The following TRMT11 variants were observed in gnomAD, a reference collection of about 807,000 sequenced individuals.
TRMT11 encodes tRNA methyltransferase 11.
A neutral mutation model predicts 62.8 loss-of-function variants in TRMT11; 53 were observed. The observed-to-expected ratio is 0.84, with a 90% confidence interval of 0.68 to 1.06. TRMT11 has a LOEUF of 1.06. Ranked by LOEUF, TRMT11 falls within the 50% of genes least tolerant of loss-of-function variation. The pLI is 0.00. For synonymous variants in TRMT11, 188 were observed against 190.3 expected, an observed-to-expected ratio of 0.99 and a Z score of 0.10; for missense variants, 556 against 553.4, an observed-to-expected ratio of 1.00 and a Z score of -0.05.
chr6:126,230,199 C>T, the TRMT11 span, among the ~76,000 whole-genome samples: 20 of 152,270 alleles, frequency 1.3e-4, no homozygotes, highest in South Asian at 2.7e-3. Context: ...TAACCACTTG[C>T]AAAAATCAAG....
chr6:126,044,149 T>C (rs553676397), downstream of TRMT11, among the ~76,000 whole-genome samples: 41 of 152,150 alleles, frequency 2.7e-4, no homozygotes, highest in East Asian at 5.0e-3. Context: ...TCCTGAATGG[T>C]AATGCCTAGG....
At chr6:126,220,326 T>C in the TRMT11 span, among the ~76,000 whole-genome samples, 1 of 152,190 alleles carries the variant, frequency 6.6e-6, no homozygotes, top group African/African-American at 2.4e-5. Flanking sequence ...TAAATAGACA[T>C]ACGGAGAAGC....
At chr6:126,133,112 C>T (rs1273215944) in intron 21 of TRMT11, among the ~76,000 whole-genome samples, 2 of 151,854 alleles carry the variant, frequency 1.3e-5, no homozygotes, top group African/African-American at 4.8e-5. Context: ...AAATGGAACC[C>T]ACAAAATAAT....
At chr6:126,136,742 A>G (rs2128210808) in intron 21 of TRMT11, among the ~76,000 whole-genome samples, 1 of 151,804 alleles carries the variant, frequency 6.6e-6, no homozygotes, top group Middle Eastern at 3.4e-3. Context: ...TACATGACAA[A>G]ACTATAATAA....
intron 20 of TRMT11, among the ~76,000 whole-genome samples, chr6:126,115,619 A>G (rs1777578240): frequency 6.6e-6 from 1 of 152,138 alleles, no homozygotes. Context: ...CATGTTACTC[A>G]AGAAGAAGAA....
Position 126,026,627 on chromosome 6 carries a change from C to T in TRMT11, c.1260+5347C>T, listed in dbSNP as rs556285835. The stretch of plus-strand genomic sequence containing the variant: ...GTCTCGATCTCCTAACCTCGTGATC[C>T]GCCCACCTCAGCCTCCCAAAGTGCT... On this transcript the variant is annotated intron_variant, in intron 12 of 12. Coordinates refer to ENST00000334379, the MANE Select transcript of TRMT11 (RefSeq NM_001031712.3). Among the ~76,000 whole-genome samples, 8 of 151,920 alleles carry T rather than the reference C, an allele frequency of 5.3e-5. No homozygotes were observed. The East Asian group carries it at 1.6e-3, about 30-fold the overall frequency.
At chr6:126,255,912 G>A in the TRMT11 span, among the ~76,000 whole-genome samples, 1 of 152,162 alleles carries the variant, frequency 6.6e-6, no homozygotes, top group Non-Finnish European at 1.5e-5. Flanking sequence ...AAAACTTAGA[G>A]GCTAAAAGAA....
At chr6:126,091,731 C>T (rs759634594) in intron 17 of TRMT11, among the ~76,000 whole-genome samples, 2 of 152,166 alleles carry the variant, frequency 1.3e-5, no homozygotes, top group Non-Finnish European at 2.9e-5. Context: ...TGCATAGAAG[C>T]CTAAGGAGCA....
At chr6:126,169,243 G>C (rs1435801173) in intron 21 of TRMT11, among the ~76,000 whole-genome samples, 1 of 152,056 alleles carries the variant, frequency 6.6e-6, no homozygotes, top group Non-Finnish European at 1.5e-5. Context: ...GTAGGCATTT[G>C]AATTTTTAAC....
In TRMT11 at chr6:125,998,586, T is replaced by C. The variant is rs1452546618; in HGVS notation, c.424T>C (p.Leu142=). ...EFLPFEGKVN[L]KKPQHVFSVL... ...TCTGCCATTTGAAGGAAAAGTGAAT[T>C]TAAAGAAACCGCAACATGTATTTTC... Residue 142 remains leucine, a synonymous_variant, in exon 6 of 13, where the codon TTA becomes CTA. Transcript: ENST00000334379. 1.9e-6 allele frequency: 3 copies of C among 1,613,212 alleles called. No individual in the cohort carries two copies. The highest frequency in any genetic ancestry group is 1.3e-5 in the African/African-American group (1 of 74,886).
intron 7 of TRMT11, among the ~76,000 whole-genome samples, chr6:126,003,884 C>T (rs1363345948): frequency 2.6e-5 from 4 of 151,968 alleles, no homozygotes; most frequent in African/African-American, 7.2e-5. Flanking sequence ...CAAAAGTTTT[C>T]CCCACACTCA....
the TRMT11 span, among the ~76,000 whole-genome samples, chr6:126,260,910 T>C: frequency 6.6e-6 from 1 of 152,200 alleles, no homozygotes; most frequent in Non-Finnish European, 1.5e-5. Context: ...GAGAGGATTT[T>C]TTGGAAGTTG....
At chr6:126,014,450 T>C (rs1210623985) in intron 11 of TRMT11, among the ~76,000 whole-genome samples, 1 of 152,068 alleles carries the variant, frequency 6.6e-6, no homozygotes, top group East Asian at 1.9e-4. Flanking sequence ...GAGGTTTCAC[T>C]GTGTTGGCCA....
intron 21 of TRMT11, among the ~76,000 whole-genome samples, chr6:126,165,277 C>CAAA (rs764649605): frequency 3.3e-4 from 44 of 134,750 alleles, no homozygotes; most frequent in African/African-American, 1.0e-3. Flanking sequence ...GACCGTGCCT[C>CAAA]AAAAAAAAAA....
At chr6:126,216,200 G>A in the TRMT11 span, among the ~76,000 whole-genome samples, 1 of 151,942 alleles carries the variant, frequency 6.6e-6, no homozygotes, top group East Asian at 1.9e-4. Context: ...CCTACCTTTT[G>A]TTTGTCTGGA....
At chr6:126,146,517 A>AT (rs1488454911) in intron 21 of TRMT11, among the ~76,000 whole-genome samples, 3 of 151,250 alleles carry the variant, frequency 2.0e-5, no homozygotes, top group African/African-American at 7.4e-5. Flanking sequence ...GACTAAATGA[A>AT]ATTTTTTTTT....
chr6:126,027,540 T>G (rs1477992220), intron 12 of TRMT11, among the ~76,000 whole-genome samples: 3 of 152,230 alleles, frequency 2.0e-5, no homozygotes. Context: ...TACCTTATAT[T>G]CCTAGTGGTT....
At chr6:126,012,280 A>G (rs1794333710) in intron 9 of TRMT11, among the ~76,000 whole-genome samples, 1 of 152,076 alleles carries the variant, frequency 6.6e-6, no homozygotes, top group South Asian at 2.1e-4. Flanking sequence ...TTTCCGATCA[A>G]CTTGAGAGTA....
At chr6:125,999,743 C>G in intron 7 of TRMT11, 130 bp downstream of exon 7, 1 of 706,938 alleles carries the variant, frequency 1.4e-6, no homozygotes, top group South Asian at 2.1e-5. Context: ...GGCCAACAGA[C>G]AACCACATAC....
Sources: gnomAD v4.1 joint callset for allele counts (sites outside exome capture counted in the v4.1 genomes callset) on GRCh38, gnomAD v4.1.1 for gene constraint, MANE v1.5 for transcripts, NCBI Gene and HGNC (gene_info 2026-07-23, HGNC 2026-07-21) for gene names.